VGLL1: variants seen among roughly 807,000 people sequenced by gnomAD.
VGLL1 encodes the protein transcription cofactor vestigial-like protein 1.
VGLL1 carries 4 observed loss-of-function variants against 12.0 expected under a neutral mutation model. The ratio of observed to expected loss-of-function variants is 0.33; its 90% CI spans 0.16 to 0.76. The LOEUF (loss-of-function observed/expected upper bound fraction) is 0.76. Ranked by LOEUF, VGLL1 falls within the 30% of genes least tolerant of loss-of-function variation. VGLL1 has a pLI of 0.60. For missense variants in VGLL1, 204 were observed against 208.7 expected (o/e 0.98, Z 0.14); for synonymous variants, 87 against 81.2 (o/e 1.07, Z -0.39).
intron 2 of VGLL1, among the ~76,000 whole-genome samples, chrX:136,538,534 G>C (rs1325338823): frequency 8.9e-6 from 1 of 112,108 alleles, no homozygotes; most frequent in African/African-American, 3.2e-5. Context: ...TCAGGGTCTG[G>C]TGGATTTCAA....
intron 4 of VGLL1, among the ~76,000 whole-genome samples, chrX:136,556,112 C>A (rs1013580624): frequency 1.8e-5 from 2 of 111,469 alleles, no homozygotes; most frequent in Admixed American, 1.9e-4. Flanking sequence ...CAGTCTGGTC[C>A]TGATGAATGA....
At chrX:136,532,585 CT>C (rs2075826019) in intron 1 of VGLL1, among the ~76,000 whole-genome samples, 1 of 20,771 alleles carries the variant, frequency 4.8e-5, no homozygotes, top group Non-Finnish European at 9.6e-5. Flanking sequence ...TTCTTTCTTT[CT>C]TTCTTTCTTT....
At chrX:136,554,168 T>C (rs773449475) in intron 4 of VGLL1, among the ~76,000 whole-genome samples, 1 of 110,145 alleles carries the variant, frequency 9.1e-6, no homozygotes, top group African/African-American at 3.3e-5. Context: ...TTATGATAAG[T>C]GGAGTGAGGA....
intron 4 of VGLL1, among the ~76,000 whole-genome samples, chrX:136,554,487 G>A (rs183285734): frequency 2.5e-3 from 276 of 111,573 alleles, no homozygotes; most frequent in African/African-American, 7.2e-3. Context: ...GGGCCTTATG[G>A]GTCACATTGG....
chrX:136,545,297 T>G (rs1324853751), intron 2 of VGLL1, among the ~76,000 whole-genome samples: 1 of 111,985 alleles, frequency 8.9e-6, no homozygotes, highest in Non-Finnish European at 1.9e-5. Flanking sequence ...TGTGTGTGTG[T>G]GCATGTTTGT....
At chrX:136,548,286 C>G (rs10218220) in intron 2 of VGLL1, among the ~76,000 whole-genome samples, 10,763 of 111,689 alleles carry the variant, frequency 0.096, 864 homozygotes, top group African/African-American at 0.27. Flanking sequence ...CAGGCATGAG[C>G]CACTGTGCCT....
At chrX:136,553,824 T>C (rs1332104546) in intron 4 of VGLL1, among the ~76,000 whole-genome samples, 1 of 111,438 alleles carries the variant, frequency 9.0e-6, no homozygotes, top group African/African-American at 3.3e-5. Flanking sequence ...AGCAGGGGCA[T>C]GTGGAGCAGA....
At chrX:136,552,137 C>T (rs779074054) in intron 4 of VGLL1, among the ~76,000 whole-genome samples, 4 of 111,809 alleles carry the variant, frequency 3.6e-5, no homozygotes, top group Non-Finnish European at 7.5e-5. Context: ...TGAGTGAATG[C>T]TGGAAACAAT....
chrX:136,553,918 G>C (rs1391573426), intron 4 of VGLL1, among the ~76,000 whole-genome samples: 1 of 112,247 alleles, frequency 8.9e-6, no homozygotes, highest in Non-Finnish European at 1.9e-5. Context: ...TTGTTCAAAA[G>C]TTTTAGTGAA....
chrX:136,553,521 A>T lies in VGLL1; in HGVS notation c.688+2700A>T, dbSNP rs753715838. 5.4e-5 allele frequency among the ~76,000 whole-genome samples: 6 copies of T among 111,241 alleles called. No individual in the cohort carries two copies. In the East Asian group the frequency reaches 1.7e-3, roughly 31 times the overall value. Reference sequence around the variant, plus strand: ...GAGATGGGGTTTCCCCATGTTGATCAGGCTGGTCTTGAACTCCTGACCTCA... The same window carrying T: ...GAGATGGGGTTTCCCCATGTTGATCTGGCTGGTCTTGAACTCCTGACCTCA... On this transcript the variant is annotated intron_variant, in intron 4 of 4. Transcript: ENST00000370634.
chrX:136,535,045 T>C (rs1459568886), intron 1 of VGLL1, among the ~76,000 whole-genome samples: 1 of 111,978 alleles, frequency 8.9e-6, no homozygotes, highest in African/African-American at 3.3e-5. Flanking sequence ...TAAAGAAGCA[T>C]CCTGACAGGC....
At chrX:136,539,315 T>C (rs2075849438) in intron 2 of VGLL1, among the ~76,000 whole-genome samples, 1 of 111,546 alleles carries the variant, frequency 9.0e-6, no homozygotes, top group Non-Finnish European at 1.9e-5. Context: ...AAAATTGGTA[T>C]TTATGTGTAC....
intron 4 of VGLL1, among the ~76,000 whole-genome samples, chrX:136,554,174 G>A (rs1451931868): frequency 4.5e-5 from 5 of 111,457 alleles, no homozygotes; most frequent in Non-Finnish European, 9.4e-5. Context: ...TAAGTGGAGT[G>A]AGGAAAACAC....
At chrX:136,550,408 T>C (rs1426648976) in intron 3 of VGLL1, 1 of 149,661 alleles carries the variant, frequency 6.7e-6, no homozygotes, top group African/African-American at 3.1e-5. Context: ...AGGCACATCA[T>C]GGTGAAACTA....
intron 2 of VGLL1, 147 bp downstream of exon 2, chrX:136,536,381 T>C (rs1463442513): frequency 1.1e-5 from 6 of 538,666 alleles, no homozygotes; most frequent in Non-Finnish European, 1.5e-5. Flanking sequence ...CACCCCTTCT[T>C]AGAAGTTTAA....
chrX:136,546,319 A>G (rs1569361687), intron 2 of VGLL1, among the ~76,000 whole-genome samples: 1 of 111,872 alleles, frequency 8.9e-6, no homozygotes, highest in Non-Finnish European at 1.9e-5. Flanking sequence ...AGTTGGCCCA[A>G]GAGGCCTGAA....
rs142372642 is a variant in VGLL1, at chrX:136,555,308, G to A, written c.689-1143G>A. Among the ~76,000 whole-genome samples the A allele has an allele frequency of 6.3e-3, 702 of 112,265 alleles. 4 individuals are homozygous for A. The highest frequency in any genetic ancestry group is 0.023 in the Middle Eastern group (5 of 217). ...AGTTTTCATTATGTGATGTGGACAG[G>A]AGCCAGATTGAAGTGGGCTGAAGAG... On this transcript the variant is annotated intron_variant, in intron 4 of 4. Transcript: ENST00000370634.
chrX:136,537,352 G>A (rs763255432), intron 2 of VGLL1, among the ~76,000 whole-genome samples: 2 of 110,229 alleles, frequency 1.8e-5, no homozygotes, highest in South Asian at 8.0e-4. Flanking sequence ...CAGCCTGAGT[G>A]GCAAAGCAAG....
chrX:136,535,915 C>A, intron 1 of VGLL1, 81 bp from the exon 2 acceptor site: 1 of 835,591 alleles, frequency 1.2e-6, no homozygotes, highest in Admixed American at 2.6e-5. Flanking sequence ...AAATTGCTTG[C>A]CCCCAAGGAC....
Sources: allele counts gnomAD v4.1 joint callset (sites outside exome capture counted in the v4.1 genomes callset), GRCh38; gene constraint gnomAD v4.1.1; transcripts MANE v1.5; gene names NCBI Gene and HGNC (gene_info 2026-07-23, HGNC 2026-07-21).